UMAD1: variants seen among roughly 807,000 people sequenced by gnomAD.
UMAD1 encodes the protein UBAP1-MVB12-associated (UMA)-domain containing protein 1.
A neutral mutation model predicts 6.1 loss-of-function variants in UMAD1; 8 were observed. The ratio of observed to expected loss-of-function variants is 1.30; its 90% CI spans 0.76 to 2.35. The LOEUF (loss-of-function observed/expected upper bound fraction) is 2.35, where lower values mean the gene tolerates loss of function less well. Ranked by LOEUF, UMAD1 falls within the 30% of genes most tolerant of loss-of-function variation. The probability of loss-of-function intolerance (pLI) is 0.00; values close to 1 mark genes in which losing one functional copy is unlikely to be tolerated. For synonymous variants in UMAD1, 56 were observed against 31.4 expected (o/e 1.78, Z -2.61); for missense variants, 130 against 78.4 (o/e 1.66, Z -2.49).
At chr7:7,768,946 A>G (rs147007804) in intron 2 of UMAD1, among the ~76,000 whole-genome samples, 99 of 152,284 alleles carry the variant, frequency 6.5e-4, no homozygotes, top group African/African-American at 2.2e-3. Context: ...ATTAATACCT[A>G]TAGCTCTCTG....
intron 2 of UMAD1, among the ~76,000 whole-genome samples, chr7:7,695,851 T>G (rs531356650): frequency 6.6e-6 from 1 of 152,336 alleles, no homozygotes; most frequent in African/African-American, 2.4e-5. Flanking sequence ...TAAGCAGCAG[T>G]GTGCACACTA....
chr7:7,806,761 A>T (rs1481246895), intron 3 of UMAD1, among the ~76,000 whole-genome samples: 1 of 152,202 alleles, frequency 6.6e-6, no homozygotes, highest in Non-Finnish European at 1.5e-5. Flanking sequence ...TATACATCTG[A>T]TTAAGAAATC....
At chr7:7,743,059 G>A (rs1251411903) in intron 2 of UMAD1, among the ~76,000 whole-genome samples, 2 of 152,110 alleles carry the variant, frequency 1.3e-5, no homozygotes, top group South Asian at 2.1e-4. Flanking sequence ...TCTGAAGAAG[G>A]TGGTGTGTAT....
At chr7:7,860,787 A>C (rs28756190) in intron 3 of UMAD1, among the ~76,000 whole-genome samples, 1 of 44,166 alleles carries the variant, frequency 2.3e-5, no homozygotes, top group Admixed American at 1.9e-4. Context: ...AAAAAAAAAA[A>C]ATAACAAAAA....
chr7:7,664,814 C>G (rs1583708827), intron 1 of UMAD1, among the ~76,000 whole-genome samples: 1 of 152,314 alleles, frequency 6.6e-6, no homozygotes, highest in East Asian at 1.9e-4. Flanking sequence ...CTACCTTCCT[C>G]TGTACTGTAT....
intron 3 of UMAD1, among the ~76,000 whole-genome samples, chr7:7,831,899 C>T (rs1783473765): frequency 2.0e-5 from 3 of 152,130 alleles, no homozygotes. Flanking sequence ...AGGACAACTT[C>T]TTTCTTTGTG....
At chr7:7,819,394 A>G (rs1783198703) in intron 3 of UMAD1, among the ~76,000 whole-genome samples, 1 of 152,160 alleles carries the variant, frequency 6.6e-6, no homozygotes, top group African/African-American at 2.4e-5. Flanking sequence ...GTTGTAGGTA[A>G]TTACTAGAAG....
chr7:7,687,913 T>C (rs1165451911), intron 2 of UMAD1, among the ~76,000 whole-genome samples: 1 of 152,246 alleles, frequency 6.6e-6, no homozygotes, highest in African/African-American at 2.4e-5. Context: ...ATCCATCATT[T>C]CCTGATGCAC....
At chr7:7,681,740 T>C (rs374512327) in intron 2 of UMAD1, among the ~76,000 whole-genome samples, 82 of 152,268 alleles carry the variant, frequency 5.4e-4, no homozygotes, top group African/African-American at 1.9e-3. Flanking sequence ...GCACTATTCG[T>C]AATTACCAGG....
chr7:7,835,969 T>C (rs1294360932), intron 3 of UMAD1, among the ~76,000 whole-genome samples: 1 of 152,066 alleles, frequency 6.6e-6, no homozygotes, highest in Non-Finnish European at 1.5e-5. Flanking sequence ...TTTGCCTTTT[T>C]ATCAAATCAA....
chr7:7,788,319 G>C (rs561182467), intron 2 of UMAD1, among the ~76,000 whole-genome samples: 12 of 152,294 alleles, frequency 7.9e-5, no homozygotes, highest in African/African-American at 2.2e-4. Flanking sequence ...TTGTTAGCTG[G>C]TTGAAATCTG....
chr7:7,715,723 A>G (rs1178379179), intron 2 of UMAD1, among the ~76,000 whole-genome samples: 2 of 152,240 alleles, frequency 1.3e-5, no homozygotes, highest in African/African-American at 4.8e-5. Context: ...TCCTTCCTGT[A>G]ATCCATGAAT....
intron 1 of UMAD1, among the ~76,000 whole-genome samples, chr7:7,672,420 G>A (rs887930467): frequency 2.6e-5 from 4 of 152,220 alleles, no homozygotes; most frequent in East Asian, 3.9e-4. Context: ...TCTCACCAAC[G>A]CAAGGATTTG....
intron 2 of UMAD1, among the ~76,000 whole-genome samples, chr7:7,780,143 C>A (rs565776642): frequency 6.6e-6 from 1 of 152,218 alleles, no homozygotes; most frequent in African/African-American, 2.4e-5. Context: ...GCTTTCAGAA[C>A]TTAAACAGGT....
Position 7,781,809 on chromosome 7 carries a change from A to G in UMAD1, c.83-19861A>G, listed in dbSNP as rs560301451. On this transcript the variant is annotated intron_variant, in intron 2 of 3. Transcript: ENST00000682710. Reference sequence around the variant, plus strand: ...TTTTGGGTCTGTGAACATTTAATTTATAATTTCAGAGAGGGAGAAATTAAT... The same window carrying G: ...TTTTGGGTCTGTGAACATTTAATTTGTAATTTCAGAGAGGGAGAAATTAAT... Among the ~76,000 whole-genome samples, 3 of 152,128 alleles carry G rather than the reference A, an allele frequency of 2.0e-5. No individual in the cohort carries two copies. In the East Asian group the frequency reaches 5.8e-4, roughly 29 times the overall value.
intron 1 of UMAD1, among the ~76,000 whole-genome samples, chr7:7,672,996 G>A (rs1021119807): frequency 6.6e-6 from 1 of 152,184 alleles, no homozygotes; most frequent in Non-Finnish European, 1.5e-5. Flanking sequence ...TTTATGGTTA[G>A]CAAGATCCTT....
chr7:7,814,980 T>A (rs1783096905), intron 3 of UMAD1, among the ~76,000 whole-genome samples: 1 of 152,184 alleles, frequency 6.6e-6, no homozygotes, highest in Non-Finnish European at 1.5e-5. Context: ...TCACTACTTG[T>A]CACATCAGCC....
intron 3 of UMAD1, among the ~76,000 whole-genome samples, chr7:7,842,431 G>T (rs1430947701): frequency 2.0e-5 from 3 of 151,352 alleles, no homozygotes; most frequent in African/African-American, 7.3e-5. Context: ...AACCTGATTT[G>T]GCATTACCAA....
intron 2 of UMAD1, among the ~76,000 whole-genome samples, chr7:7,726,909 G>A (rs1781149129): frequency 6.6e-6 from 1 of 152,214 alleles, no homozygotes; most frequent in Admixed American, 6.5e-5. Flanking sequence ...AGATAAGGAA[G>A]AGTATGCATG....
Sources: gnomAD v4.1 joint callset for allele counts (sites outside exome capture counted in the v4.1 genomes callset) on GRCh38, gnomAD v4.1.1 for gene constraint, MANE v1.5 for transcripts, NCBI Gene and HGNC (gene_info 2026-07-23, HGNC 2026-07-21) for gene names.